Variants in SBSPON observed in about 807,000 individuals in gnomAD.
The protein encoded by SBSPON is somatomedin B and thrombospondin type 1 domain containing, also known as somatomedin-B and thrombospondin type-1 domain-containing protein.
Under a neutral mutation model 35.8 loss-of-function variants are expected in SBSPON, and 30 were observed. The ratio of observed to expected loss-of-function variants is 0.84; its 90% CI spans 0.63 to 1.14. The LOEUF (loss-of-function observed/expected upper bound fraction) is 1.14, where lower values mean the gene tolerates loss of function less well. Ranked by LOEUF, SBSPON falls within the 50% of genes most tolerant of loss-of-function variation. SBSPON has a pLI of 0.00. For missense variants in SBSPON, 364 were observed against 357.7 expected (o/e 1.02, Z -0.14); for synonymous variants, 136 against 135.9 (o/e 1.00, Z 0.00).
intron 1 of SBSPON, 49 bp downstream of exon 1, chr8:73,092,805 T>C (rs775421398): frequency 8.2e-6 from 12 of 1,462,066 alleles, no homozygotes; most frequent in East Asian, 2.3e-5. Context: ...CCTGTGCCCG[T>C]TGGTTGCAGG....
At chr8:73,073,801 C>CA (rs548358079) in intron 2 of SBSPON, among the ~76,000 whole-genome samples, 393 of 117,976 alleles carry the variant, frequency 3.3e-3, no homozygotes, top group Middle Eastern at 5.0e-3. Flanking sequence ...AAGACCATCT[C>CA]AAAAAAAAAA....
rs939642094 is a variant in SBSPON at position 73,065,056 on chromosome 8, T to G, written c.*2285A>C. On this transcript the variant is annotated 3_prime_UTR_variant, in exon 5 of 5. Coordinates refer to ENST00000297354, the MANE Select transcript of SBSPON (RefSeq NM_153225.4). ...TCATCACTTGGACTACATGTTTCAG[T>G]TCTGAACTATTTCCCTTGGGCTTTG... 13 of 152,310 alleles carry G rather than the reference T, an allele frequency of 8.5e-5. No individual in the cohort carries two copies. Among genetic ancestry groups the G allele is most frequent in the African/African-American group, 3.1e-4 (13 of 41,572 alleles). The allele number at this position is 152,310 out of a possible 1,614,324, so 9.4% of individuals were successfully genotyped here. A position where few individuals can be genotyped will look rare whatever the true frequency, so the allele number is the denominator to read the frequency against.
At chr8:73,080,407 C>G (rs1286324608) in intron 2 of SBSPON, among the ~76,000 whole-genome samples, 1 of 151,676 alleles carries the variant, frequency 6.6e-6, no homozygotes, top group Non-Finnish European at 1.5e-5. Context: ...CCCAGCTACT[C>G]GGGAGGCTGA....
At chr8:73,086,248 C>A (rs1810823418) in intron 1 of SBSPON, among the ~76,000 whole-genome samples, 1 of 152,036 alleles carries the variant, frequency 6.6e-6, no homozygotes, top group Non-Finnish European at 1.5e-5. Flanking sequence ...GCAACCTCCG[C>A]CTCCTGAGTT....
chr8:73,091,213 T>A (rs1276120046), intron 1 of SBSPON, among the ~76,000 whole-genome samples: 1 of 152,196 alleles, frequency 6.6e-6, no homozygotes, highest in Admixed American at 6.5e-5. Context: ...TGCCTCTCTC[T>A]CCTCCAGCAG....
At chr8:73,081,635 A>C (rs1477142912) in intron 1 of SBSPON, among the ~76,000 whole-genome samples, 3 of 132,454 alleles carry the variant, frequency 2.3e-5, no homozygotes, top group African/African-American at 8.7e-5. Context: ...TAGACAACAT[A>C]AACAACAAAA....
At chr8:73,076,717 G>A (rs1338902574) in intron 2 of SBSPON, among the ~76,000 whole-genome samples, 1 of 151,882 alleles carries the variant, frequency 6.6e-6, no homozygotes, top group Non-Finnish European at 1.5e-5. Flanking sequence ...TGCTAGCTAT[G>A]AGGATGGAGG....
At chr8:73,067,609 T>TAG (rs1491140504) in intron 4 of SBSPON, 151 bp from the exon 5 acceptor site, 2 of 13,094 alleles carry the variant, frequency 1.5e-4, no homozygotes, top group Admixed American at 1.1e-3. Flanking sequence ...ATATATATAG[T>TAG]TTTTTTTTTT....
intron 1 of SBSPON, among the ~76,000 whole-genome samples, chr8:73,082,894 G>T (rs1299322394): frequency 6.6e-6 from 1 of 152,134 alleles, no homozygotes; most frequent in Non-Finnish European, 1.5e-5. Context: ...GTGAGGTGTT[G>T]GGCTTGAACA....
Position 73,081,020 on chromosome 8 carries a change from A to G in SBSPON, c.408T>C (p.Tyr136=), listed in dbSNP as rs1006904598. Residue 136 remains tyrosine (Y), a splice_region_variant and synonymous_variant, in exon 2 of 5, where the codon TAT becomes TAC. Coordinates refer to ENST00000297354, the MANE Select transcript of SBSPON (RefSeq NM_153225.4). ...TPQGQDCGHT[Y]VPAFITTSAF... is the part of the protein sequence containing the mutation. Reference sequence around the variant, plus strand: ...CAGCAACCATGAAAACATCAGTACCATAGGTGTGCCCGCAGTCCTGGCCCT... The same window carrying G: ...CAGCAACCATGAAAACATCAGTACCGTAGGTGTGCCCGCAGTCCTGGCCCT... The G allele has an allele frequency of 1.3e-6, 2 of 1,591,590 alleles. No homozygotes were observed. Among genetic ancestry groups the G allele is most frequent in the African/African-American group, 1.3e-5 (1 of 74,258 alleles).
intron 1 of SBSPON, among the ~76,000 whole-genome samples, chr8:73,091,837 A>G (rs1810940378): frequency 6.6e-6 from 1 of 152,200 alleles, no homozygotes; most frequent in Non-Finnish European, 1.5e-5. Flanking sequence ...TTCAAACAGC[A>G]CAGAGGCAGG....
Position 73,092,979 on chromosome 8 carries a change from G to C in SBSPON, c.89C>G (p.Pro30Arg). ...GGCGAAGCAGGCGGGGTCCCGGCCGGGACAGCAGCGCCCGGCCTCGGCGCA... is the reference window on the plus strand; with the variant it reads ...GGCGAAGCAGGCGGGGTCCCGGCCGCGACAGCAGCGCCCGGCCTCGGCGCA... ...AGCAEAGRCC[P>R]GRDPACFARG... Residue 30 changes from proline (P) to arginine (R), a missense_variant, in exon 1 of 5, where the codon CCC (proline) becomes CGC (arginine). By Grantham distance (103) the Pro-to-Arg change is moderately radical (BLOSUM62 -2). Coordinates refer to ENST00000297354, the MANE Select transcript of SBSPON (RefSeq NM_153225.4). 2 of 1,568,026 alleles carry C rather than the reference G, an allele frequency of 1.3e-6. No individual in the cohort carries two copies.
chr8:73,089,359 G>A (rs1334110070), intron 1 of SBSPON, among the ~76,000 whole-genome samples: 4 of 152,144 alleles, frequency 2.6e-5, no homozygotes, highest in African/African-American at 7.2e-5. Context: ...ATTGAAACCA[G>A]CCTGGCCAAC....
intron 3 of SBSPON, among the ~76,000 whole-genome samples, chr8:73,070,743 C>A (rs1171836901): frequency 6.6e-6 from 1 of 152,154 alleles, no homozygotes; most frequent in Non-Finnish European, 1.5e-5. Flanking sequence ...TTTTCCAATT[C>A]TTCAGGGAAA....
intron 2 of SBSPON, chr8:73,074,517 A>G: frequency 2.3e-6 from 2 of 884,150 alleles, no homozygotes; most frequent in Middle Eastern, 5.8e-4. Context: ...TTTAAGGCTC[A>G]CATCTAAATA....
chr8:73,071,924 G>A (rs745647987), intron 2 of SBSPON, 54 bp from the exon 3 acceptor site: 47 of 1,207,068 alleles, frequency 3.9e-5, no homozygotes, highest in African/African-American at 7.5e-5. Context: ...TCAGACCATC[G>A]TTTCCCAATT....
intron 1 of SBSPON, among the ~76,000 whole-genome samples, chr8:73,081,998 G>A (rs915840999): frequency 1.3e-5 from 2 of 152,146 alleles, no homozygotes; most frequent in African/African-American, 4.8e-5. Context: ...GGCTCAGCTG[G>A]TTTCTCAGCA....
intron 1 of SBSPON, among the ~76,000 whole-genome samples, chr8:73,086,792 C>A (rs4737366): frequency 6.6e-6 from 1 of 152,080 alleles, no homozygotes; most frequent in Non-Finnish European, 1.5e-5. Context: ...AGTACTTTTT[C>A]TTTCTGGGTA....
At chr8:73,084,865 C>A (rs573623294) in intron 1 of SBSPON, among the ~76,000 whole-genome samples, 45 of 151,386 alleles carry the variant, frequency 3.0e-4, no homozygotes, top group African/African-American at 1.0e-3. Flanking sequence ...ATTACTTATT[C>A]ATTTGTTGTG....
Sources: gnomAD v4.1 joint callset for allele counts (sites outside exome capture counted in the v4.1 genomes callset) on GRCh38, gnomAD v4.1.1 for gene constraint, MANE v1.5 for transcripts, NCBI Gene and HGNC (gene_info 2026-07-23, HGNC 2026-07-21) for gene names.